ADGRL2: variants seen among roughly 807,000 people sequenced by gnomAD.
ADGRL2 encodes the protein calcium-independent alpha-latrotoxin receptor 2.
ADGRL2 carries 44 observed loss-of-function variants against 157.4 expected under a neutral mutation model. The ratio of observed to expected loss-of-function variants is 0.28; its 90% confidence interval spans 0.22 to 0.36. ADGRL2 has a LOEUF of 0.36. Ranked by LOEUF, ADGRL2 falls within the 10% of genes least tolerant of loss-of-function variation. The probability of loss-of-function intolerance (pLI) is 1.00; values close to 1 mark genes in which losing one functional copy is unlikely to be tolerated. For synonymous variants in ADGRL2, 585 were observed against 624.7 expected (o/e 0.94, Z 0.95); for missense variants, 1,510 against 1,768.9 (o/e 0.85, Z 2.63).
intron 1 of ADGRL2, among the ~76,000 whole-genome samples, chr1:81,388,971 G>C (rs1226897570): frequency 2.0e-5 from 3 of 152,042 alleles, no homozygotes; most frequent in Non-Finnish European, 4.4e-5. Flanking sequence ...GACCCCCAAA[G>C]AGTCTGCCAA....
intron 1 of ADGRL2, among the ~76,000 whole-genome samples, chr1:81,363,031 A>G (rs1220946890): frequency 6.6e-6 from 1 of 152,090 alleles, no homozygotes; most frequent in African/African-American, 2.4e-5. Context: ...TTTACTTATC[A>G]GAATTTATGT....
chr1:81,985,722 G>A (rs1156394078), intron 21 of ADGRL2, among the ~76,000 whole-genome samples: 1 of 151,868 alleles, frequency 6.6e-6, no homozygotes, highest in East Asian at 1.9e-4. Flanking sequence ...ATACATGAAA[G>A]TTTATAAAGT....
chr1:81,518,371 A>G (rs1297948258), intron 2 of ADGRL2, among the ~76,000 whole-genome samples: 1 of 152,166 alleles, frequency 6.6e-6, no homozygotes, highest in Non-Finnish European at 1.5e-5. Context: ...CAAAATAGAT[A>G]ACTAGCCCAA....
intron 2 of ADGRL2, among the ~76,000 whole-genome samples, chr1:81,461,153 G>C (rs1429410555): frequency 1.3e-5 from 2 of 152,210 alleles, no homozygotes; most frequent in East Asian, 1.9e-4. Flanking sequence ...TGTTTTCTCT[G>C]TCCTTTGGCG....
intron 2 of ADGRL2, among the ~76,000 whole-genome samples, chr1:81,517,677 C>G (rs1303957973): frequency 6.6e-6 from 1 of 152,124 alleles, no homozygotes; most frequent in Non-Finnish European, 1.5e-5. Context: ...GTGAATATCT[C>G]ATTGGTGACT....
In ADGRL2 at chr1:81,429,971, G is replaced by A. The variant is rs575268785; in HGVS notation, c.-301-15065G>A. 1.2e-4 allele frequency among the ~76,000 whole-genome samples: 19 copies of A among 152,198 alleles called. 1 individual carries two copies. The South Asian group carries it at 3.5e-3, about 28-fold the overall frequency. On this transcript the variant is annotated intron_variant, in intron 1 of 24. Transcript: ENST00000370721. ...GGCAATGGCGCGATCTTGGCTCACC[G>A]CAACCTCCGCCTCCTGGGTTCAAGC...
chr1:81,883,421 T>A (rs1238122307), intron 2 of ADGRL2, among the ~76,000 whole-genome samples: 6 of 152,210 alleles, frequency 3.9e-5, no homozygotes, highest in Admixed American at 3.9e-4. Context: ...AATGAAGCTT[T>A]GACTATTGCT....
At chr1:81,377,322 CAAGTA>C (rs1223062860) in intron 1 of ADGRL2, among the ~76,000 whole-genome samples, 1 of 151,790 alleles carries the variant, frequency 6.6e-6, no homozygotes, top group Non-Finnish European at 1.5e-5. Flanking sequence ...CCAAAAAATG[CAAGTA>C]AAGTATTCAA....
chr1:81,855,616 G>A (rs368361031), intron 2 of ADGRL2, among the ~76,000 whole-genome samples: 11 of 151,284 alleles, frequency 7.3e-5, no homozygotes, highest in Non-Finnish European at 1.3e-4. Flanking sequence ...TTTTCAATGC[G>A]AATATGTTGT....
intron 4 of ADGRL2, among the ~76,000 whole-genome samples, chr1:81,941,313 A>T (rs1233199531): frequency 6.6e-6 from 1 of 151,448 alleles, no homozygotes; most frequent in Non-Finnish European, 1.5e-5. Context: ...GAAAGGTACT[A>T]CCTTACCCTA....
At chr1:81,831,761 C>T (rs1360193283) in intron 1 of ADGRL2, among the ~76,000 whole-genome samples, 1 of 152,036 alleles carries the variant, frequency 6.6e-6, no homozygotes, top group Non-Finnish European at 1.5e-5. Context: ...TTTTAAAGTA[C>T]AGTGTAATCT....
At chr1:81,940,990 A>T (rs1312706487) in intron 4 of ADGRL2, among the ~76,000 whole-genome samples, 1 of 148,812 alleles carries the variant, frequency 6.7e-6, no homozygotes, top group Non-Finnish European at 1.5e-5. Context: ...TTATGAAAGC[A>T]TTTACTTTTT....
chr1:81,499,807 A>C (rs2078806335), intron 2 of ADGRL2, among the ~76,000 whole-genome samples: 1 of 152,222 alleles, frequency 6.6e-6, no homozygotes, highest in Non-Finnish European at 1.5e-5. Context: ...GTCGTTTTAT[A>C]TTCACTTTCA....
chr1:81,404,699 A>G (rs2076822443), intron 1 of ADGRL2, among the ~76,000 whole-genome samples: 1 of 152,180 alleles, frequency 6.6e-6, no homozygotes, highest in Admixed American at 6.5e-5. Context: ...GTGAATAGTC[A>G]TTTCAAATTT....
intron 6 of ADGRL2, among the ~76,000 whole-genome samples, chr1:81,948,155 TG>T (rs369794087): frequency 7.3e-4 from 109 of 148,938 alleles, no homozygotes; most frequent in African/African-American, 2.6e-3. Flanking sequence ...AGGCGGAGGT[TG>T]CAGTGAGCCG....
At chr1:81,354,406 T>C (rs1473380485) in intron 1 of ADGRL2, among the ~76,000 whole-genome samples, 1 of 152,218 alleles carries the variant, frequency 6.6e-6, no homozygotes, top group Non-Finnish European at 1.5e-5. Context: ...TGTGTATCTT[T>C]TTGAACATTG....
chr1:81,346,011 A>T (rs1196439018), intron 1 of ADGRL2, among the ~76,000 whole-genome samples: 2 of 152,202 alleles, frequency 1.3e-5, no homozygotes, highest in East Asian at 3.8e-4. Flanking sequence ...CTATGGCAAG[A>T]TATAGACAGC....
intron 1 of ADGRL2, among the ~76,000 whole-genome samples, chr1:81,759,974 A>G (rs182535810): frequency 7.2e-5 from 11 of 152,262 alleles, no homozygotes; most frequent in Middle Eastern, 3.4e-3. Context: ...AGGGGACCCA[A>G]GGTAGGGACT....
chr1:81,992,372 G>A lies in ADGRL2; in HGVS notation c.*1227G>A, dbSNP rs755902792. On this transcript the variant is annotated 3_prime_UTR_variant, in exon 24 of 24. Transcript: ENST00000686636. ...ATAATGAGCCCATCACTAATATCCA[G>A]TGTAAAGTTTAACACGGTTTGACAG... 9 of 152,288 alleles carry A rather than the reference G, an allele frequency of 5.9e-5. No individual in the cohort carries two copies. Among genetic ancestry groups the A allele is most frequent in the Admixed American group, 2.6e-4 (4 of 15,224 alleles). 9.4% of individuals were successfully genotyped at this position (152,288 alleles called of 1,614,324 possible). A position where few individuals can be genotyped will look rare whatever the true frequency, so the allele number is the denominator to read the frequency against.
Sources: allele counts gnomAD v4.1 joint callset (sites outside exome capture counted in the v4.1 genomes callset), GRCh38; gene constraint gnomAD v4.1.1; transcripts MANE v1.5; gene names NCBI Gene and HGNC (gene_info 2026-07-23, HGNC 2026-07-21).